The following PTPRJ variants were observed in gnomAD, a reference collection of about 807,000 sequenced individuals.
The protein encoded by PTPRJ is receptor-type tyrosine-protein phosphatase eta.
In PTPRJ, 129 loss-of-function variants were observed where a neutral mutation model predicts 141.3. The observed-to-expected ratio is 0.91, with a 90% CI of 0.79 to 1.06. The LOEUF is 1.06. Among genes scored for constraint, PTPRJ ranks in the 50% least tolerant of loss-of-function variants. The pLI is 0.00. For missense variants in PTPRJ, 1,601 were observed against 1,679.7 expected (o/e 0.95, Z 0.82); for synonymous variants, 610 against 640.5 (o/e 0.95, Z 0.72).
intron 1 of PTPRJ, among the ~76,000 whole-genome samples, chr11:48,061,014 T>G (rs1159831991): frequency 2.6e-5 from 4 of 152,228 alleles, no homozygotes; most frequent in Admixed American, 1.3e-4. Context: ...CTTTCTTTTT[T>G]TTGGAGACGG....
intron 6 of PTPRJ, among the ~76,000 whole-genome samples, chr11:48,125,862 G>A (rs60207862): frequency 3.3e-5 from 5 of 152,172 alleles, no homozygotes; most frequent in Non-Finnish European, 5.9e-5. Flanking sequence ...GGGTCCATTT[G>A]TGTCCTTCCT....
intron 1 of PTPRJ, among the ~76,000 whole-genome samples, chr11:48,041,967 G>C (rs970706564): frequency 7.7e-6 from 1 of 129,036 alleles, no homozygotes; most frequent in Admixed American, 8.4e-5. Flanking sequence ...GTTCCCAGTT[G>C]TCCAACTCTT....
chr11:48,151,459 C>G (rs1199888174), intron 18 of PTPRJ, among the ~76,000 whole-genome samples: 5 of 150,378 alleles, frequency 3.3e-5, no homozygotes, highest in South Asian at 2.1e-4. Flanking sequence ...TTGTAAAGAG[C>G]CTTTTTTTTT....
chr11:48,034,512 GATTC>G (rs1341202822), intron 1 of PTPRJ, among the ~76,000 whole-genome samples: 2 of 152,084 alleles, frequency 1.3e-5, no homozygotes, highest in Non-Finnish European at 2.9e-5. Flanking sequence ...GTCCTTTATT[GATTC>G]ATCTTATTTT....
chr11:47,983,563 G>A (rs897477574), intron 1 of PTPRJ, among the ~76,000 whole-genome samples: 2 of 152,164 alleles, frequency 1.3e-5, no homozygotes, highest in African/African-American at 4.8e-5. Context: ...TTTTTGAACT[G>A]GCATCTCATT....
intron 15 of PTPRJ, 136 bp downstream of exon 15, chr11:48,147,099 T>G: frequency 1.3e-6 from 1 of 792,088 alleles, no homozygotes; most frequent in African/African-American, 1.7e-5. Context: ...TGTTCTGCAT[T>G]TGGCCAGTCC....
intron 1 of PTPRJ, among the ~76,000 whole-genome samples, chr11:48,042,404 C>T (rs981939132): frequency 8.5e-5 from 13 of 152,114 alleles, no homozygotes; most frequent in African/African-American, 3.1e-4. Context: ...TGGGCTTTTT[C>T]ATTTTGGGGC....
intron 1 of PTPRJ, among the ~76,000 whole-genome samples, chr11:48,029,402 CAG>C (rs1450078303): frequency 6.6e-6 from 1 of 152,158 alleles, no homozygotes; most frequent in African/African-American, 2.4e-5. Context: ...AGAAGGAAAA[CAG>C]GGAGAATTAC....
At chr11:48,019,063 G>A (rs1855032103) in intron 1 of PTPRJ, among the ~76,000 whole-genome samples, 1 of 152,056 alleles carries the variant, frequency 6.6e-6, no homozygotes, top group Non-Finnish European at 1.5e-5. Flanking sequence ...CTCTCAGGAG[G>A]GCCTGTGGAA....
chr11:48,019,923 C>G (rs745535645), intron 1 of PTPRJ, among the ~76,000 whole-genome samples: 1 of 151,788 alleles, frequency 6.6e-6, no homozygotes, highest in Non-Finnish European at 1.5e-5. Context: ...TTAAAAAGAG[C>G]GATATTTTCG....
At chr11:48,052,336 C>A (rs909768681) in intron 1 of PTPRJ, among the ~76,000 whole-genome samples, 7 of 152,212 alleles carry the variant, frequency 4.6e-5, no homozygotes, top group African/African-American at 1.7e-4. Flanking sequence ...TCCCTTGCAG[C>A]AGGCATTGCC....
Position 48,093,205 on chromosome 11 carries a change from TTGTC to T in PTPRJ, c.97-16848_97-16845del, listed in dbSNP as rs751153091. On this transcript the variant is annotated intron_variant, in intron 1 of 24. Coordinates refer to ENST00000418331, the MANE Select transcript of PTPRJ (RefSeq NM_002843.4). Reference sequence around the variant, plus strand: ...GTAACTTTTCATTCACATTTTGTCCTTGTCTGTCCTGGTATCAAAGTTATATTGG... The same window carrying T: ...GTAACTTTTCATTCACATTTTGTCCTTGTCCTGGTATCAAAGTTATATTGG... 9.2e-5 allele frequency among the ~76,000 whole-genome samples: 14 copies of T among 152,340 alleles called. No individual in the cohort carries two copies. In the East Asian group the frequency reaches 1.9e-3, roughly 21 times the overall value.
chr11:48,130,330 T>C, intron 7 of PTPRJ, 129 bp from the exon 8 acceptor site: 1 of 953,416 alleles, frequency 1.0e-6, no homozygotes, highest in African/African-American at 1.7e-5. Context: ...TAGGTGATGA[T>C]ACAAAGAAGA....
chr11:48,072,466 A>AACATGAGTTTTGGAGGGGACAG (rs1855288148), intron 1 of PTPRJ, among the ~76,000 whole-genome samples: 1 of 152,210 alleles, frequency 6.6e-6, no homozygotes, highest in Non-Finnish European at 1.5e-5. Flanking sequence ...ATTAAATTTC[A>AACATGAGTTTTGGAGGGGACAG]ACATGAGTTT....
At chr11:48,126,039 G>A (rs1303929793) in intron 6 of PTPRJ, among the ~76,000 whole-genome samples, 2 of 152,112 alleles carry the variant, frequency 1.3e-5, no homozygotes, top group African/African-American at 4.8e-5. Flanking sequence ...TGGAGGAGGA[G>A]GAAGGGGCTC....
chr11:48,148,750 T>G (rs976685527), intron 15 of PTPRJ, among the ~76,000 whole-genome samples: 5 of 152,186 alleles, frequency 3.3e-5, no homozygotes, highest in African/African-American at 1.2e-4. Flanking sequence ...CATCATCATT[T>G]TAAGTGGCTA....
intron 6 of PTPRJ, among the ~76,000 whole-genome samples, chr11:48,127,155 A>G (rs1856856870): frequency 6.6e-6 from 1 of 152,098 alleles, no homozygotes; most frequent in South Asian, 2.1e-4. Flanking sequence ...AAGACCCCCC[A>G]TGATGCCTTG....
chr11:48,004,064 G>C (rs1854565117), intron 1 of PTPRJ, among the ~76,000 whole-genome samples: 1 of 152,180 alleles, frequency 6.6e-6, no homozygotes, highest in Non-Finnish European at 1.5e-5. Context: ...TATGCAACCT[G>C]ACTGCAAAGG....
At chr11:48,060,932 GA>G (rs1854905229) in intron 1 of PTPRJ, among the ~76,000 whole-genome samples, 1 of 152,198 alleles carries the variant, frequency 6.6e-6, no homozygotes, top group Non-Finnish European at 1.5e-5. Flanking sequence ...GCTGCTTGGG[GA>G]CCAGTCCTGG....
Sources: gnomAD v4.1 joint callset for allele counts (sites outside exome capture counted in the v4.1 genomes callset) on GRCh38, gnomAD v4.1.1 for gene constraint, MANE v1.5 for transcripts, NCBI Gene and HGNC (gene_info 2026-07-23, HGNC 2026-07-21) for gene names.